Variants in RBPMS2 observed in about 807,000 individuals in gnomAD.
RBPMS2 encodes RNA binding protein, mRNA processing factor 2.
A neutral mutation model predicts 25.7 loss-of-function variants in RBPMS2; 14 were observed. That is an observed-to-expected ratio of 0.55 (90% confidence interval 0.36 to 0.85). The LOEUF (loss-of-function observed/expected upper bound fraction) is 0.85, where lower values mean the gene tolerates loss of function less well. RBPMS2 is among the 40% of genes least tolerant of loss of function. RBPMS2 has a pLI of 0.01. For missense variants in RBPMS2, 252 were observed against 283.4 expected, an observed-to-expected ratio of 0.89 and a Z score of 0.80; for synonymous variants, 127 against 115.6, an observed-to-expected ratio of 1.10 and a Z score of -0.63.
At chr15:64,767,264 T>G (rs1259094657) in intron 1 of RBPMS2, among the ~76,000 whole-genome samples, 1 of 152,118 alleles carries the variant, frequency 6.6e-6, no homozygotes, top group Non-Finnish European at 1.5e-5. Context: ...CATGCCCAGC[T>G]AGGCAGCATC....
intron 6 of RBPMS2, among the ~76,000 whole-genome samples, chr15:64,747,517 G>T (rs921697606): frequency 1.3e-5 from 2 of 152,140 alleles, no homozygotes; most frequent in African/African-American, 2.4e-5. Context: ...TCACCTGGCT[G>T]GTCAAAGGTT....
chr15:64,772,079 ATTT>A (rs1423286802), intron 1 of RBPMS2, among the ~76,000 whole-genome samples: 8 of 152,214 alleles, frequency 5.3e-5, no homozygotes, highest in African/African-American at 1.9e-4. Flanking sequence ...TATTTGTATT[ATTT>A]TTTATTATTG....
chr15:64,741,026 T>G, intron 7 of RBPMS2, 26 bp from the exon 8 acceptor site: 1 of 597,926 alleles, frequency 1.7e-6, no homozygotes, highest in Non-Finnish European at 3.0e-6. Context: ...GAGGCGGCCG[T>G]GAGCAGAGGC....
chr15:64,751,393 G>A (rs563588805), intron 2 of RBPMS2, among the ~76,000 whole-genome samples, 168 bp downstream of exon 2: 2 of 151,254 alleles, frequency 1.3e-5, no homozygotes, highest in Admixed American at 6.6e-5. Context: ...CAGAGGCTCA[G>A]AAGGCAGCAT....
At chr15:64,751,790 A>C in intron 1 of RBPMS2, 152 bp from the exon 2 acceptor site, 1 of 606,128 alleles carries the variant, frequency 1.6e-6, no homozygotes, top group Non-Finnish European at 2.9e-6. Flanking sequence ...GCAAATTAAC[A>C]TTGTTTCACA....
chr15:64,755,669 C>T (rs907997509), intron 1 of RBPMS2, among the ~76,000 whole-genome samples: 1 of 152,172 alleles, frequency 6.6e-6, no homozygotes, highest in Non-Finnish European at 1.5e-5. Context: ...CTCAGTATGA[C>T]ACTTGTTTAG....
intron 1 of RBPMS2, among the ~76,000 whole-genome samples, chr15:64,754,251 G>A (rs1325868038): frequency 1.3e-5 from 2 of 152,180 alleles, no homozygotes; most frequent in Non-Finnish European, 1.5e-5. Flanking sequence ...GGCAGAGGTT[G>A]TGGTGAGCCA....
intron 6 of RBPMS2, among the ~76,000 whole-genome samples, chr15:64,747,179 G>A (rs1224436275): frequency 2.6e-5 from 4 of 152,136 alleles, no homozygotes; most frequent in Admixed American, 1.3e-4. Flanking sequence ...TGAACGTTGC[G>A]GAGCCAGGGA....
At chr15:64,743,152 C>A (rs373254671) in intron 6 of RBPMS2, among the ~76,000 whole-genome samples, 2 of 152,332 alleles carry the variant, frequency 1.3e-5, no homozygotes, top group South Asian at 4.1e-4. Context: ...AAATCCCGGA[C>A]GGGCTGGGTG....
intron 6 of RBPMS2, among the ~76,000 whole-genome samples, chr15:64,748,094 A>T (rs1057477831): frequency 1.2e-4 from 18 of 152,122 alleles, no homozygotes; most frequent in African/African-American, 4.3e-4. Context: ...CAGAGACCAT[A>T]CCCAGGTTAG....
At chr15:64,759,870 G>A (rs1176336561) in intron 1 of RBPMS2, among the ~76,000 whole-genome samples, 1 of 152,044 alleles carries the variant, frequency 6.6e-6, no homozygotes, top group Non-Finnish European at 1.5e-5. Flanking sequence ...ATGGGGTTCC[G>A]CCATGTTGGC....
intron 1 of RBPMS2, among the ~76,000 whole-genome samples, chr15:64,757,234 A>T (rs1284225277): frequency 6.6e-6 from 1 of 151,758 alleles, no homozygotes; most frequent in African/African-American, 2.4e-5. Context: ...GGCCTCCCCA[A>T]AGTGGTGGAA....
intron 6 of RBPMS2, 138 bp from the exon 7 acceptor site, chr15:64,741,380 C>T: frequency 1.5e-6 from 1 of 658,216 alleles, no homozygotes; most frequent in Non-Finnish European, 2.7e-6. Context: ...GCCAGTTACT[C>T]ACCTTTAAGC....
Position 64,751,600 on chromosome 15 carries a change from A to T in RBPMS2, c.126T>A (p.Ile42=). The T allele has an allele frequency of 6.2e-7, 1 of 1,614,030 alleles. No homozygotes were observed. The highest frequency in any genetic ancestry group is 1.1e-5 in the South Asian group (1 of 91,070). Reference sequence around the variant, plus strand: ...AGAGCAAGTAGAGTTCTCTGGGTTTAATGTCCACAGGGAGGCCGCTGACAA... The same window carrying T: ...AGAGCAAGTAGAGTTCTCTGGGTTTTATGTCCACAGGGAGGCCGCTGACAA... ...TLFVSGLPVD[I]KPRELYLLFR... Residue 42 remains isoleucine, a synonymous_variant, in exon 2 of 8, where the codon ATT becomes ATA. Transcript: ENST00000300069.
chr15:64,749,347 G>T, intron 4 of RBPMS2, 84 bp downstream of exon 4: 1 of 1,398,482 alleles, frequency 7.2e-7, no homozygotes, highest in Non-Finnish European at 1.0e-6. Flanking sequence ...TCTGCCCAGG[G>T]ATGGCCGGGA....
intron 1 of RBPMS2, among the ~76,000 whole-genome samples, chr15:64,768,260 G>A (rs2083863703): frequency 6.6e-6 from 1 of 152,184 alleles, no homozygotes; most frequent in Admixed American, 6.5e-5. Context: ...TGTAACCCCA[G>A]CAGTTTGGGA....
At chr15:64,774,952 GCA>G (rs894050644) in intron 1 of RBPMS2, among the ~76,000 whole-genome samples, 3 of 150,956 alleles carry the variant, frequency 2.0e-5, no homozygotes, top group African/African-American at 7.3e-5. Context: ...CGGACGCGGC[GCA>G]TCTCGCCCAC....
intron 6 of RBPMS2, among the ~76,000 whole-genome samples, chr15:64,745,487 G>T (rs2083610358): frequency 6.6e-6 from 1 of 152,164 alleles, no homozygotes; most frequent in Non-Finnish European, 1.5e-5. Flanking sequence ...TAACCTTAAG[G>T]TCACTGGTAA....
intron 1 of RBPMS2, among the ~76,000 whole-genome samples, chr15:64,752,755 C>G (rs550966106): frequency 6.6e-6 from 1 of 152,234 alleles, no homozygotes; most frequent in East Asian, 1.9e-4. Context: ...GGATTACATG[C>G]ATGCACCACC....
Sources: gnomAD v4.1 joint callset for allele counts (sites outside exome capture counted in the v4.1 genomes callset) on GRCh38, gnomAD v4.1.1 for gene constraint, MANE v1.5 for transcripts, NCBI Gene and HGNC (gene_info 2026-07-23, HGNC 2026-07-21) for gene names.